PDGFRB: variants seen among roughly 807,000 people sequenced by gnomAD.
PDGFRB encodes the protein platelet derived growth factor receptor beta, also known as platelet-derived growth factor receptor beta.
A neutral mutation model predicts 120.2 loss-of-function variants in PDGFRB; 42 were observed. The ratio of observed to expected loss-of-function variants is 0.35; its 90% CI spans 0.27 to 0.45. The LOEUF is 0.45. Among genes scored for constraint, PDGFRB ranks in the 20% least tolerant of loss-of-function variants. The pLI is 1.00. For synonymous variants in PDGFRB, 586 were observed against 606.8 expected, an observed-to-expected ratio of 0.97 and a Z score of 0.50; for missense variants, 1,149 against 1,476.3, an observed-to-expected ratio of 0.78 and a Z score of 3.63.
In PDGFRB at chr5:150,123,023, C is replaced by T. The variant is rs754794273; in HGVS notation, c.2183+19G>A. 2.5e-6 allele frequency: 4 copies of T among 1,608,334 alleles called. No individual in the cohort carries two copies. In the East Asian group the frequency reaches 8.9e-5, roughly 36 times the overall value. ...CTCAGGTATCCCAAAGATTCAGTCC[C>T]TGGCCTCCCTCCTGGTACCTGGGCA... On this transcript the variant is annotated intron_variant, in intron 15 of 22. Coordinates refer to ENST00000261799, the MANE Select transcript of PDGFRB (RefSeq NM_002609.4).
At chr5:150,142,094 G>A (rs978865763) in intron 1 of PDGFRB, among the ~76,000 whole-genome samples, 11 of 152,124 alleles carry the variant, frequency 7.2e-5, no homozygotes, top group Admixed American at 2.6e-4. Context: ...ATGTCAGCAC[G>A]CCAGAGCCCT....
chr5:150,147,462 G>A (rs1055668275), intron 1 of PDGFRB, among the ~76,000 whole-genome samples: 2 of 152,220 alleles, frequency 1.3e-5, no homozygotes, highest in African/African-American at 4.8e-5. Context: ...GCCGCAAATA[G>A]AATGGGTTCT....
intron 22 of PDGFRB, 60 bp downstream of exon 22, chr5:150,117,536 GCGCGCGCGCACACACACACACA>G (rs1432586988): frequency 8.3e-5 from 56 of 678,024 alleles, no homozygotes; most frequent in Non-Finnish European, 1.2e-4. Flanking sequence ...CAGCGCGCGC[GCGCGCGCGCACACACACACACA>G]CACACACACA....
rs1340741168 is a variant in PDGFRB, at chr5:150,115,989, A to G, written c.3138-43T>C. On this transcript the variant is annotated intron_variant, in intron 22 of 22. Transcript: ENST00000261799. Reference sequence around the variant, plus strand: ...TGAGTGAGGGGCTAGGAAGGAGCCCAGGAGGATTCCAGCAGCAGTCATGAA... The same window carrying G: ...TGAGTGAGGGGCTAGGAAGGAGCCCGGGAGGATTCCAGCAGCAGTCATGAA... The G allele has an allele frequency of 1.3e-5, 20 of 1,527,386 alleles. No individual in the cohort carries two copies. The Admixed American group carries it at 4.3e-4, about 33-fold the overall frequency. The allele number at this position is 1,527,386 out of a possible 1,614,324, so 94.6% of individuals were successfully genotyped here. A position where few individuals can be genotyped will look rare whatever the true frequency, so the allele number is the denominator to read the frequency against.
chr5:150,126,678 T>G, intron 10 of PDGFRB, 64 bp from the exon 11 acceptor site: 1 of 848,318 alleles, frequency 1.2e-6, no homozygotes. Flanking sequence ...TCACCCCATC[T>G]TTGGCATCAT....
rs774053778 is a variant in PDGFRB, at chr5:150,113,873, C to A, written c.*1890G>T. The A allele has an allele frequency of 3.2e-4, 75 of 231,974 alleles. No individual in the cohort carries two copies. The highest frequency in any genetic ancestry group is 6.1e-4 in the Non-Finnish European group (71 of 117,180). 14.4% of individuals were successfully genotyped at this position (231,974 alleles called of 1,614,324 possible). A position where few individuals can be genotyped will look rare whatever the true frequency, so the allele number is the denominator to read the frequency against. ...GAAGCACCAGGTTTAATATTAAAATCTTTCCCTTAAAAAAAAGTACACAGA... is the reference window on the plus strand; with the variant it reads ...GAAGCACCAGGTTTAATATTAAAATATTTCCCTTAAAAAAAAGTACACAGA... On this transcript the variant is annotated 3_prime_UTR_variant, in exon 23 of 23. Transcript: ENST00000261799.
chr5:150,139,730 C>T (rs539691896), intron 1 of PDGFRB, among the ~76,000 whole-genome samples: 52 of 152,266 alleles, frequency 3.4e-4, no homozygotes, highest in African/African-American at 1.2e-3. Context: ...GCCTGTAATC[C>T]CAGCACTTTG....
intron 1 of PDGFRB, among the ~76,000 whole-genome samples, chr5:150,137,809 G>A (rs1760679037): frequency 6.6e-6 from 1 of 152,234 alleles, no homozygotes; most frequent in Non-Finnish European, 1.5e-5. Context: ...AAGGTGAGAA[G>A]TTTACCCAAG....
At chr5:150,138,803 C>T (rs1371382888) in intron 1 of PDGFRB, among the ~76,000 whole-genome samples, 2 of 152,218 alleles carry the variant, frequency 1.3e-5, no homozygotes, top group African/African-American at 2.4e-5. Context: ...CTCTGGCTGC[C>T]CCCTTCCTGC....
chr5:150,127,951 T>C (rs909815868), intron 10 of PDGFRB, among the ~76,000 whole-genome samples: 1 of 151,604 alleles, frequency 6.6e-6, no homozygotes, highest in East Asian at 1.9e-4. Context: ...CTACCTCTGC[T>C]TCCCTCTCCA....
chr5:150,155,364 G>A (rs1333218142), intron 1 of PDGFRB, 33 bp downstream of exon 1: 1 of 379,036 alleles, frequency 2.6e-6, no homozygotes, highest in African/African-American at 2.2e-5. Flanking sequence ...GACAGGGCAT[G>A]GGGCTGGGGT....
chr5:150,145,129 CCAGTCTACTTAACGTGCAGA>C (rs1760886355), intron 1 of PDGFRB, among the ~76,000 whole-genome samples: 1 of 152,224 alleles, frequency 6.6e-6, no homozygotes, highest in Admixed American at 6.5e-5. Context: ...CTCCTCCTTC[CCAGTCTACTTAACGTGCAGA>C]CAAGGGTGAA....
Position 150,135,811 on chromosome 5 carries a change from T to C in PDGFRB, c.108A>G (p.Thr36=). The change falls in exon 3 of 23, where the codon ACA becomes ACG. Residue 36 remains threonine, a synonymous_variant. Coordinates refer to ENST00000261799, the MANE Select transcript of PDGFRB (RefSeq NM_002609.4). The part of the protein sequence containing the change: ...EPQISQGLVV[T]PPGPELVLNV... ...TGAGGACAAGCTCTGGCCCCGGGGGTGTGACGACCAGGCCCTGAGAGATCT... is the reference window on the plus strand; with the variant it reads ...TGAGGACAAGCTCTGGCCCCGGGGGCGTGACGACCAGGCCCTGAGAGATCT... The C allele has an allele frequency of 6.3e-7, 1 of 1,585,110 alleles. No homozygotes were observed. Among genetic ancestry groups the C allele is most frequent in the South Asian group, 1.2e-5 (1 of 85,942 alleles).
At chr5:150,116,123 G>A (rs766050862) in intron 22 of PDGFRB, among the ~76,000 whole-genome samples, 177 bp from the exon 23 acceptor site, 21 of 152,154 alleles carry the variant, frequency 1.4e-4, no homozygotes, top group Non-Finnish European at 5.9e-5. Context: ...GTGGCTCAGA[G>A]AGGTTATATC....
At chr5:150,130,054 G>A in intron 9 of PDGFRB, 86 bp from the exon 10 acceptor site, 1 of 1,061,620 alleles carries the variant, frequency 9.4e-7, no homozygotes, top group Admixed American at 1.7e-5. Context: ...AAGGAGGCAG[G>A]ACGTGTCCAG....
chr5:150,117,546 A>G (rs111709079), intron 22 of PDGFRB, 72 bp downstream of exon 22: 16,118 of 416,162 alleles, frequency 0.039, 235 homozygotes, highest in African/African-American at 0.15. Context: ...GCGCGCGCGC[A>G]CACACACACA....
Position 150,120,134 on chromosome 5 carries a change from G to A in PDGFRB, c.2587-11C>T, listed in dbSNP as rs751796101. ...TAAAGGCAAAAAGGTCTGTAGGGAG[G>A]TCAGGACAGGTGCTGAGTGCAAGGA... On this transcript the variant is annotated splice_polypyrimidine_tract_variant and intron_variant, in intron 18 of 22. Coordinates refer to ENST00000261799, the MANE Select transcript of PDGFRB (RefSeq NM_002609.4). The surrounding 1 kb of genome is among the most constrained non-coding windows in gnomAD (Gnocchi z 4.3). 5 of 1,226,028 alleles carry A rather than the reference G, an allele frequency of 4.1e-6. No homozygotes were observed. The highest frequency in any genetic ancestry group is 2.3e-5 in the East Asian group (1 of 43,304). The allele number at this position is 1,226,028 out of a possible 1,614,324, so 75.9% of individuals were successfully genotyped here.
chr5:150,122,766 C>A (rs1278615248), intron 15 of PDGFRB, among the ~76,000 whole-genome samples: 1 of 152,248 alleles, frequency 6.6e-6, no homozygotes, highest in Non-Finnish European at 1.5e-5. Context: ...AGCCTCTGCC[C>A]CTTCCTCCAT....
Position 150,125,695 on chromosome 5 carries a change from G to A in PDGFRB, c.1675-118C>T, listed in dbSNP as rs934838692. ...ACCCTGAGGCCCAGAGAGGGGCAGG[G>A]GCATATTTGAAGTCACACAGCAAGT... On this transcript the variant is annotated intron_variant, in intron 11 of 22. Coordinates refer to ENST00000261799, the MANE Select transcript of PDGFRB (RefSeq NM_002609.4). 9.9e-6 allele frequency: 9 copies of A among 913,034 alleles called. No individual in the cohort carries two copies. The African/African-American group carries it at 1.2e-4, about 12-fold the overall frequency. The allele number at this position is 913,034 out of a possible 1,614,324, so 56.6% of individuals were successfully genotyped here. A position where few individuals can be genotyped will look rare whatever the true frequency, so the allele number is the denominator to read the frequency against.
Sources: allele counts gnomAD v4.1 joint callset (sites outside exome capture counted in the v4.1 genomes callset), GRCh38; gene constraint gnomAD v4.1.1; non-coding constraint Gnocchi (gnomAD v3.1); transcripts MANE v1.5; gene names NCBI Gene and HGNC (gene_info 2026-07-23, HGNC 2026-07-21).